Variants in KCNIP4 observed in about 807,000 individuals in gnomAD.
KCNIP4 encodes the protein Kv channel-interacting protein 4.
Under a neutral mutation model 34.0 loss-of-function variants are expected in KCNIP4, and 12 were observed. That is an observed-to-expected ratio of 0.35 (90% CI 0.23 to 0.57). The LOEUF (loss-of-function observed/expected upper bound fraction) is 0.57. Ranked by LOEUF, KCNIP4 falls within the 20% of genes least tolerant of loss-of-function variation. The pLI, the probability that KCNIP4 is intolerant of heterozygous loss-of-function variation, is 0.83. For synonymous variants in KCNIP4, 124 were observed against 102.2 expected (o/e 1.21, Z -1.29); for missense variants, 238 against 311.7 (o/e 0.76, Z 1.78).
intron 1 of KCNIP4, among the ~76,000 whole-genome samples, chr4:21,203,083 C>A (rs141562861): frequency 4.6e-5 from 7 of 152,352 alleles, no homozygotes; most frequent in Admixed American, 4.6e-4. Context: ...CACTTTTGTG[C>A]AATTCACCAT....
intron 1 of KCNIP4, among the ~76,000 whole-genome samples, chr4:21,747,759 C>T (rs768646441): frequency 6.6e-6 from 1 of 152,078 alleles, no homozygotes; most frequent in Non-Finnish European, 1.5e-5. Flanking sequence ...CTCACCAAAA[C>T]TCACACCCAC....
chr4:20,822,618 T>C (rs1456134751), intron 3 of KCNIP4, among the ~76,000 whole-genome samples: 1 of 152,188 alleles, frequency 6.6e-6, no homozygotes, highest in East Asian at 1.9e-4. Context: ...AAAGAGACTC[T>C]GAACTTTAGA....
chr4:21,207,974 C>G (rs1026845722), intron 1 of KCNIP4, among the ~76,000 whole-genome samples: 1 of 151,640 alleles, frequency 6.6e-6, no homozygotes, highest in Non-Finnish European at 1.5e-5. Flanking sequence ...TCCCAAATAG[C>G]TGGGACTATA....
chr4:21,678,229 G>A (rs1442577871), intron 1 of KCNIP4, among the ~76,000 whole-genome samples: 1 of 149,756 alleles, frequency 6.7e-6, no homozygotes, highest in Non-Finnish European at 1.5e-5. Context: ...GCATGGCCAT[G>A]TTTCATGCAA....
intron 1 of KCNIP4, among the ~76,000 whole-genome samples, chr4:21,311,647 C>A (rs771588678): frequency 6.6e-6 from 1 of 151,910 alleles, no homozygotes; most frequent in Non-Finnish European, 1.5e-5. Context: ...CGAGATCATG[C>A]CACTGCACTC....
intron 1 of KCNIP4, among the ~76,000 whole-genome samples, chr4:21,069,457 T>C (rs902759775): frequency 5.9e-5 from 9 of 152,214 alleles, no homozygotes; most frequent in African/African-American, 2.2e-4. Flanking sequence ...GCTACTTAAC[T>C]CAAGTGACCT....
chr4:20,981,084 C>A (rs1252398832), intron 1 of KCNIP4, among the ~76,000 whole-genome samples: 4 of 152,182 alleles, frequency 2.6e-5, no homozygotes, highest in Non-Finnish European at 5.9e-5. Flanking sequence ...AAACAGGCAG[C>A]AGGCCTAGGA....
chr4:21,820,324 T>C (rs6847736), intron 1 of KCNIP4, among the ~76,000 whole-genome samples: 50,819 of 136,122 alleles, frequency 0.37, 10,719 homozygotes, highest in East Asian at 0.65. Context: ...TATATATATA[T>C]ACATATATAC....
At chr4:21,380,362 C>T (rs567966808) in intron 1 of KCNIP4, among the ~76,000 whole-genome samples, 1 of 146,186 alleles carries the variant, frequency 6.8e-6, no homozygotes, top group Admixed American at 6.9e-5. Flanking sequence ...ATACAATTTT[C>T]CTGTCTTTTA....
chr4:20,877,116 C>T (rs533075550), intron 2 of KCNIP4, among the ~76,000 whole-genome samples: 40 of 152,118 alleles, frequency 2.6e-4, no homozygotes, highest in African/African-American at 9.7e-4. Flanking sequence ...TTGGGTTTGG[C>T]CACGGGTGAA....
At chr4:21,643,816 A>G (rs1214316478) in intron 1 of KCNIP4, among the ~76,000 whole-genome samples, 2 of 151,506 alleles carry the variant, frequency 1.3e-5, no homozygotes, top group African/African-American at 4.9e-5. Context: ...ATGTGAGCCA[A>G]TTGTTTGAAA....
At chr4:21,197,227 A>G (rs544644023) in intron 1 of KCNIP4, among the ~76,000 whole-genome samples, 1 of 152,172 alleles carries the variant, frequency 6.6e-6, no homozygotes, top group African/African-American at 2.4e-5. Context: ...ATTCTTGCAC[A>G]TATCTTTTGA....
At chr4:21,827,838 A>C (rs964972834) in intron 1 of KCNIP4, among the ~76,000 whole-genome samples, 2 of 152,004 alleles carry the variant, frequency 1.3e-5, no homozygotes, top group South Asian at 4.1e-4. Flanking sequence ...CAAGAATTTC[A>C]TTTAACATTT....
At chr4:20,882,767 T>G in intron 1 of KCNIP4, 58 bp from the exon 2 acceptor site, 1 of 1,377,272 alleles carries the variant, frequency 7.3e-7, no homozygotes, top group East Asian at 2.3e-5. Context: ...AGGGACGTGC[T>G]GCAGGGTTTA....
At chr4:21,491,449 A>C (rs2109861222) in intron 1 of KCNIP4, among the ~76,000 whole-genome samples, 1 of 152,230 alleles carries the variant, frequency 6.6e-6, no homozygotes, top group East Asian at 1.9e-4. Flanking sequence ...ATCATAGTTC[A>C]CTGCAGCCTT....
At chr4:21,092,597 A>G (rs1453515695) in intron 1 of KCNIP4, among the ~76,000 whole-genome samples, 2 of 151,978 alleles carry the variant, frequency 1.3e-5, no homozygotes, top group East Asian at 3.9e-4. Flanking sequence ...TGCATCCCCA[A>G]CCACATGTTG....
intron 1 of KCNIP4, among the ~76,000 whole-genome samples, chr4:21,486,449 T>C (rs1731921032): frequency 6.6e-6 from 1 of 152,132 alleles, no homozygotes; most frequent in Non-Finnish European, 1.5e-5. Context: ...TAGGTGGTTT[T>C]GGTGTATTAT....
At chr4:20,965,498 C>T (rs952615399) in intron 1 of KCNIP4, among the ~76,000 whole-genome samples, 6 of 152,162 alleles carry the variant, frequency 3.9e-5, no homozygotes, top group Non-Finnish European at 8.8e-5. Flanking sequence ...CCAATCTTAG[C>T]AATTTTACAA....
chr4:21,095,646 A>T (rs1262323423), intron 1 of KCNIP4, among the ~76,000 whole-genome samples: 1 of 152,224 alleles, frequency 6.6e-6, no homozygotes, highest in Non-Finnish European at 1.5e-5. Context: ...GTAAGAGAAT[A>T]TTCTAAGTTT....
Sources: allele counts gnomAD v4.1 joint callset (sites outside exome capture counted in the v4.1 genomes callset), GRCh38; gene constraint gnomAD v4.1.1; transcripts MANE v1.5; gene names NCBI Gene and HGNC (gene_info 2026-07-23, HGNC 2026-07-21).